PAPSS1: variants seen among roughly 807,000 people sequenced by gnomAD.
PAPSS1 encodes bifunctional 3'-phosphoadenosine 5'-phosphosulfate synthase 1.
PAPSS1 carries 50 observed loss-of-function variants against 72.0 expected under a neutral mutation model. That is an observed-to-expected ratio of 0.69 (90% confidence interval 0.55 to 0.88). The LOEUF is 0.88. Ranked by LOEUF, PAPSS1 falls within the 40% of genes least tolerant of loss-of-function variation. The pLI is 0.00. For missense variants in PAPSS1, 657 were observed against 782.2 expected (o/e 0.84, Z 1.91); for synonymous variants, 261 against 263.6 (o/e 0.99, Z 0.09).
At chr4:107,653,122 C>T (rs1290866152) in intron 9 of PAPSS1, among the ~76,000 whole-genome samples, 11 of 148,070 alleles carry the variant, frequency 7.4e-5, no homozygotes, top group Admixed American at 3.3e-4. Flanking sequence ...TGAATATATA[C>T]ATGAATATAT....
At chr4:107,712,188 G>T (rs893547820) in intron 1 of PAPSS1, among the ~76,000 whole-genome samples, 4 of 152,110 alleles carry the variant, frequency 2.6e-5, no homozygotes, top group African/African-American at 9.7e-5. Flanking sequence ...CCTCCAACTG[G>T]GAATTCCGGC....
chr4:107,621,298 G>A (rs1485980610), intron 11 of PAPSS1, among the ~76,000 whole-genome samples: 1 of 152,114 alleles, frequency 6.6e-6, no homozygotes, highest in Non-Finnish European at 1.5e-5. Flanking sequence ...AGCATGGAAC[G>A]ATGCTCATGA....
chr4:107,716,906 TTATCCAAAGCTTAG>T (rs1370395200), intron 1 of PAPSS1, among the ~76,000 whole-genome samples: 2 of 152,228 alleles, frequency 1.3e-5, no homozygotes, highest in Non-Finnish European at 2.9e-5. Context: ...ACAGGAGCTA[TTATCCAAAGCTTAG>T]TATTTGGTCT....
At chr4:107,672,652 C>A (rs1727518157) in intron 5 of PAPSS1, among the ~76,000 whole-genome samples, 1 of 152,180 alleles carries the variant, frequency 6.6e-6, no homozygotes, top group South Asian at 2.1e-4. Context: ...CAGGGCATAG[C>A]CAAACAAAAG....
chr4:107,627,633 T>A (rs188727876), intron 11 of PAPSS1, among the ~76,000 whole-genome samples: 181 of 152,284 alleles, frequency 1.2e-3, no homozygotes, highest in African/African-American at 3.6e-3. Flanking sequence ...TACTCAAAAC[T>A]TTTTTACTTC....
chr4:107,702,709 C>T (rs944444528), intron 1 of PAPSS1, among the ~76,000 whole-genome samples: 4 of 152,104 alleles, frequency 2.6e-5, no homozygotes, highest in Non-Finnish European at 5.9e-5. Context: ...AATAGTATTC[C>T]ACTGTGTAAA....
chr4:107,687,180 T>TAA lies in PAPSS1; in HGVS notation c.412-5_412-4dup. The TAA allele has an allele frequency of 2.0e-6, 3 of 1,489,344 alleles. No individual in the cohort carries two copies. Among genetic ancestry groups the TAA allele is most frequent in the Non-Finnish European group, 2.7e-6 (3 of 1,114,172 alleles). The allele number at this position is 1,489,344 out of a possible 1,614,324, so 92.3% of individuals were successfully genotyped here. A position where few individuals can be genotyped will look rare whatever the true frequency, so the allele number is the denominator to read the frequency against. The stretch of plus-strand genomic sequence containing the variant: ...ATTTGCCTTGCATTGTTGCGATCCT[T>TAA]AAAAAAAAATAAAATAAAAAGTGAT... On this transcript the variant is annotated splice_polypyrimidine_tract_variant and splice_region_variant and intron_variant, in intron 3 of 11. Transcript: ENST00000265174.
intron 5 of PAPSS1, among the ~76,000 whole-genome samples, chr4:107,661,792 T>C (rs1432926161): frequency 6.6e-6 from 1 of 152,208 alleles, no homozygotes; most frequent in Non-Finnish European, 1.5e-5. Flanking sequence ...TATTTGGTCT[T>C]ACATGACATG....
chr4:107,621,292 T>C (rs527320372), intron 11 of PAPSS1, among the ~76,000 whole-genome samples: 48 of 152,246 alleles, frequency 3.2e-4, no homozygotes, highest in South Asian at 6.2e-4. Context: ...TCTAGTAGCA[T>C]GGAACGATGC....
intron 9 of PAPSS1, among the ~76,000 whole-genome samples, chr4:107,652,185 T>C (rs1348299229): frequency 6.6e-6 from 1 of 152,212 alleles, no homozygotes; most frequent in Non-Finnish European, 1.5e-5. Context: ...ATCTGATTTC[T>C]ACACAGAAAA....
intron 5 of PAPSS1, among the ~76,000 whole-genome samples, chr4:107,664,168 G>A (rs1284767102): frequency 1.3e-5 from 2 of 152,142 alleles, no homozygotes; most frequent in Non-Finnish European, 1.5e-5. Context: ...CTCCAGAGAA[G>A]AGAAGAATCT....
At chr4:107,710,181 C>G (rs1723450147) in intron 1 of PAPSS1, among the ~76,000 whole-genome samples, 1 of 152,110 alleles carries the variant, frequency 6.6e-6, no homozygotes, top group Non-Finnish European at 1.5e-5. Flanking sequence ...AATTTCTATT[C>G]TTGGCTTTCT....
chr4:107,699,579 C>T (rs550907326), intron 2 of PAPSS1, among the ~76,000 whole-genome samples: 12 of 152,150 alleles, frequency 7.9e-5, no homozygotes, highest in African/African-American at 2.4e-4. Flanking sequence ...TCACACTATA[C>T]ACAAAAATCA....
intron 2 of PAPSS1, among the ~76,000 whole-genome samples, chr4:107,696,257 T>C (rs1723059942): frequency 6.6e-6 from 1 of 152,166 alleles, no homozygotes; most frequent in South Asian, 2.1e-4. Flanking sequence ...CATTCTACTA[T>C]AAAGATACAC....
intron 1 of PAPSS1, among the ~76,000 whole-genome samples, chr4:107,716,248 C>T (rs1295092810): frequency 6.6e-6 from 1 of 152,170 alleles, no homozygotes; most frequent in African/African-American, 2.4e-5. Flanking sequence ...AGCAAGTGAA[C>T]ATATGTACCT....
At chr4:107,654,099 C>A (rs1354784021) in intron 8 of PAPSS1, among the ~76,000 whole-genome samples, 1 of 152,070 alleles carries the variant, frequency 6.6e-6, no homozygotes, top group African/African-American at 2.4e-5. Context: ...GAGCTATTAC[C>A]CTCCAGGACC....
intron 1 of PAPSS1, among the ~76,000 whole-genome samples, chr4:107,714,271 T>C (rs1433983582): frequency 6.6e-6 from 1 of 152,154 alleles, no homozygotes; most frequent in Non-Finnish European, 1.5e-5. Flanking sequence ...ACCCCCACCC[T>C]GCTCCCTCAC....
chr4:107,712,685 C>CA (rs1723526346), intron 1 of PAPSS1, among the ~76,000 whole-genome samples: 1 of 151,868 alleles, frequency 6.6e-6, no homozygotes, highest in Non-Finnish European at 1.5e-5. Context: ...CTATCCTGGC[C>CA]AACATTGTGA....
At position 107,693,993 on chromosome 4, in the gene PAPSS1, C is replaced by T. The variant is rs188010460; in HGVS notation, c.189G>A (p.Ala63=). Residue 63 remains alanine (A), a synonymous_variant, in exon 3 of 12, where the codon GCG becomes GCA. Transcript: ENST00000265174. ...CTVWLTGLSG[A]GKTTVSMALE... is the part of the protein sequence containing the mutation. ...AGGCCATGCTCACAGTAGTCTTTCC[C>T]GCTCCAGACAAGCCTAAAATTAAAC... is the stretch of plus-strand genomic sequence containing the variant. The T allele has an allele frequency of 8.6e-5, 139 of 1,611,380 alleles. 1 individual carries two copies. In the East Asian group the frequency reaches 2.5e-3, roughly 29 times the overall value.
Sources: allele counts gnomAD v4.1 joint callset (sites outside exome capture counted in the v4.1 genomes callset), GRCh38; gene constraint gnomAD v4.1.1; transcripts MANE v1.5; gene names NCBI Gene and HGNC (gene_info 2026-07-23, HGNC 2026-07-21).